ABCG2: variants seen among roughly 807,000 people sequenced by gnomAD.
ABCG2 encodes ATP binding cassette subfamily G member 2 (JR blood group), also known as broad substrate specificity ATP-binding cassette transporter ABCG2.
Under a neutral mutation model 73.5 loss-of-function variants are expected in ABCG2, and 80 were observed. The ratio of observed to expected loss-of-function variants is 1.09; its 90% CI spans 0.91 to 1.31. The LOEUF is 1.31. Ranked by LOEUF, ABCG2 falls within the 50% of genes most tolerant of loss-of-function variation. The pLI is 0.00. For missense variants in ABCG2, 796 were observed against 786.2 expected (o/e 1.01, Z -0.15); for synonymous variants, 269 against 282.4 (o/e 0.95, Z 0.48).
intron 1 of ABCG2, among the ~76,000 whole-genome samples, chr4:88,164,723 A>G (rs1435835462): frequency 6.6e-6 from 1 of 152,132 alleles, no homozygotes; most frequent in Non-Finnish European, 1.5e-5. Context: ...AAAAATTGTA[A>G]CAAAAGGGAA....
chr4:88,142,900 A>G (rs2110060481), intron 1 of ABCG2, among the ~76,000 whole-genome samples: 1 of 152,270 alleles, frequency 6.6e-6, no homozygotes, highest in Non-Finnish European at 1.5e-5. Flanking sequence ...GTGAGCCGAG[A>G]TCATGCCACT....
intron 1 of ABCG2, chr4:88,201,576 TAC>T (rs1201555227): frequency 6.6e-6 from 1 of 152,186 alleles, no homozygotes; most frequent in Non-Finnish European, 1.5e-5. Flanking sequence ...GAAGCAGCTG[TAC>T]AGTTCTTTGT....
At position 88,107,959 on chromosome 4, in the gene ABCG2, C is replaced by T. The variant is rs189214307; in HGVS notation, c.1195-693G>A. On this transcript the variant is annotated intron_variant, in intron 9 of 15. Coordinates refer to ENST00000237612, the MANE Select transcript of ABCG2 (RefSeq NM_004827.3). ...ACTGCATGCTTCCACTACCCATCTC[C>T]TGTCACTGCTTCCTCATCGCTTCAG... Among the ~76,000 whole-genome samples, 102 of 152,300 alleles carry T rather than the reference C, an allele frequency of 6.7e-4. No individual in the cohort carries two copies. The East Asian group carries it at 0.011, about 17-fold the overall frequency.
intron 5 of ABCG2, among the ~76,000 whole-genome samples, chr4:88,127,477 C>A (rs919706695): frequency 6.6e-6 from 1 of 152,076 alleles, no homozygotes. Flanking sequence ...CAATCCTATG[C>A]AAAAAGAACA....
chr4:88,209,265 G>C (rs558338832), intron 1 of ABCG2, among the ~76,000 whole-genome samples: 1 of 120,990 alleles, frequency 8.3e-6, no homozygotes, highest in African/African-American at 3.2e-5. Flanking sequence ...AGCAGAGATG[G>C]CACCACTGCA....
intron 8 of ABCG2, among the ~76,000 whole-genome samples, 197 bp downstream of exon 8, chr4:88,114,760 A>C (rs982847809): frequency 2.0e-5 from 3 of 152,198 alleles, no homozygotes; most frequent in African/African-American, 4.8e-5. Context: ...GGAACTGACA[A>C]CACCATATAA....
At chr4:88,222,978 A>T (rs547801764) in intron 1 of ABCG2, among the ~76,000 whole-genome samples, 1 of 152,324 alleles carries the variant, frequency 6.6e-6, no homozygotes, top group East Asian at 1.9e-4. Context: ...TCATTTTGGA[A>T]TGTTAAGGTT....
intron 1 of ABCG2, among the ~76,000 whole-genome samples, chr4:88,150,600 GGAA>G (rs534429638): frequency 2.3e-4 from 35 of 152,264 alleles, no homozygotes; most frequent in Middle Eastern, 3.4e-3. Context: ...GGGCCACACT[GGAA>G]GAAGAATTGT....
At chr4:88,102,777 A>C (rs1722516887) in intron 10 of ABCG2, among the ~76,000 whole-genome samples, 1 of 152,150 alleles carries the variant, frequency 6.6e-6, no homozygotes, top group Non-Finnish European at 1.5e-5. Flanking sequence ...CACATCATTT[A>C]AATGGCGTAA....
upstream of ABCG2, chr4:88,163,735 G>C: frequency 2.4e-6 from 1 of 412,288 alleles, no homozygotes; most frequent in South Asian, 1.9e-5. Context: ...CCGGAAATTT[G>C]CCATGAAGGA....
chr4:88,155,146 G>T (rs1007115138), intron 1 of ABCG2, among the ~76,000 whole-genome samples: 6 of 152,062 alleles, frequency 3.9e-5, no homozygotes, highest in Non-Finnish European at 8.8e-5. Context: ...GGATCTATGG[G>T]GTCAGCTAGG....
chr4:88,210,840 G>A (rs755430180), intron 1 of ABCG2, among the ~76,000 whole-genome samples: 2 of 152,026 alleles, frequency 1.3e-5, no homozygotes, highest in Non-Finnish European at 2.9e-5. Flanking sequence ...GGAATGACAG[G>A]CATAAGCCAC....
At chr4:88,185,931 A>G (rs1448842799) in intron 1 of ABCG2, among the ~76,000 whole-genome samples, 1 of 152,218 alleles carries the variant, frequency 6.6e-6, no homozygotes, top group Non-Finnish European at 1.5e-5. Flanking sequence ...TCCAACCACT[A>G]TGGAGAATAG....
intron 15 of ABCG2, among the ~76,000 whole-genome samples, chr4:88,093,527 A>T (rs1721784813): frequency 6.7e-6 from 1 of 148,284 alleles, no homozygotes; most frequent in South Asian, 2.1e-4. Flanking sequence ...AAAAAAAAGG[A>T]ATATCTTCCT....
chr4:88,158,210 C>T (rs1727081860), intron 1 of ABCG2, among the ~76,000 whole-genome samples, 176 bp downstream of exon 1: 1 of 152,142 alleles, frequency 6.6e-6, no homozygotes, highest in Non-Finnish European at 1.5e-5. Flanking sequence ...TCTGAAAAAC[C>T]ACTTTGAACT....
At chr4:88,145,164 T>A (rs1379490662) in intron 1 of ABCG2, among the ~76,000 whole-genome samples, 2 of 152,184 alleles carry the variant, frequency 1.3e-5, no homozygotes, top group Non-Finnish European at 2.9e-5. Flanking sequence ...GCATGCTGCA[T>A]AAATTACATA....
chr4:88,199,580 G>C (rs1023829337), intron 1 of ABCG2, among the ~76,000 whole-genome samples: 1 of 152,228 alleles, frequency 6.6e-6, no homozygotes, highest in Non-Finnish European at 1.5e-5. Flanking sequence ...CACCAACTTA[G>C]AATTCTGTAT....
rs532827827 is a variant in ABCG2, at chr4:88,212,533, G to T, written c.-20+18461C>A. ...CCCTGCGTTACCTATGTACTTGCAG[G>T]TCATGCCATAGAACTTGTAAGCATA... On this transcript the variant is annotated intron_variant, in intron 1 of 15. Transcript: ENST00000515655. Among the ~76,000 whole-genome samples the T allele has an allele frequency of 2.6e-3, 398 of 152,198 alleles. 2 individuals carry two copies. Among genetic ancestry groups the T allele is most frequent in the African/African-American group, 8.4e-3 (350 of 41,506 alleles).
chr4:88,118,467 G>T (rs1222488628), intron 6 of ABCG2, among the ~76,000 whole-genome samples: 2 of 152,160 alleles, frequency 1.3e-5, no homozygotes, highest in Non-Finnish European at 2.9e-5. Flanking sequence ...TCAGTGTGTT[G>T]TATTGACAAT....
Sources: allele counts gnomAD v4.1 joint callset (sites outside exome capture counted in the v4.1 genomes callset), GRCh38; gene constraint gnomAD v4.1.1; transcripts MANE v1.5; gene names NCBI Gene and HGNC (gene_info 2026-07-23, HGNC 2026-07-21).